The following RYR1 variants were observed in gnomAD, a reference collection of about 807,000 sequenced individuals.
The protein encoded by RYR1 is central core disease of muscle.
Under a neutral mutation model 583.5 loss-of-function variants are expected in RYR1, and 342 were observed. The observed-to-expected ratio is 0.59, with a 90% CI of 0.54 to 0.64. The LOEUF is 0.64. RYR1 is among the 30% of genes least tolerant of loss of function. The pLI, the probability that RYR1 is intolerant of heterozygous loss-of-function variation, is 0.00. For synonymous variants in RYR1, 2,791 were observed against 2,822.5 expected (o/e 0.99, Z 0.35); for missense variants, 6,032 against 6,917.2 (o/e 0.87, Z 4.54).
chr19:38,494,914 G>A (rs530904756), intron 39 of RYR1, among the ~76,000 whole-genome samples: 6 of 143,418 alleles, frequency 4.2e-5, no homozygotes, highest in South Asian at 2.4e-4. Context: ...GTGCAATGGC[G>A]CAATCTCAGC....
In RYR1 at chr19:38,537,902, T is replaced by C. The variant is rs1273529085; in HGVS notation, c.11631T>C (p.Asp3877=). The change falls in exon 84 of 106, where the codon GAT becomes GAC. Residue 3877 remains aspartate (D), a synonymous_variant. Coordinates refer to ENST00000359596, the MANE Select transcript of RYR1 (RefSeq NM_000540.3). ...TAGGAGAGAAGGTCATGGCGGATGA[T>C]GAATTCACACAAGACCTGTTCCGAT... ...RQNGEKVMAD[D]EFTQDLFRFL... 2 of 1,613,886 alleles carry C rather than the reference T, an allele frequency of 1.2e-6. No individual in the cohort carries two copies. The highest frequency in any genetic ancestry group is 3.3e-5 in the Admixed American group (2 of 59,998).
chr19:38,490,392 A>G, intron 36 of RYR1, 116 bp downstream of exon 36: 1 of 1,033,546 alleles, frequency 9.7e-7, no homozygotes, highest in Non-Finnish European at 1.5e-6. Flanking sequence ...CCCTGACCCT[A>G]GTGATACATT....
intron 70 of RYR1, among the ~76,000 whole-genome samples, chr19:38,524,542 A>T (rs1437635509): frequency 6.6e-6 from 1 of 152,176 alleles, no homozygotes; most frequent in Admixed American, 6.5e-5. Context: ...GCCGGCGTGG[A>T]TGTGGCTCTG....
Position 38,531,124 on chromosome 19 carries a change from G to A in RYR1, c.11142-1366G>A, listed in dbSNP as rs146752700. Among the ~76,000 whole-genome samples the A allele has an allele frequency of 1.0e-2, 1,510 of 151,496 alleles. 25 individuals are homozygous for A. The highest frequency in any genetic ancestry group is 0.035 in the African/African-American group (1,428 of 41,294). On this transcript the variant is annotated intron_variant, in intron 76 of 105. Transcript: ENST00000359596. ...GCTGGGATTACAGGCACGAGCCACC[G>A]CGCCCAGCCTTCTTTGGTCTCTTTA...
rs41274330 is a variant in RYR1, at chr19:38,519,413, C to T, written c.10218C>T (p.Tyr3406=). ...DEFSVLCRDL[Y]ALYPLLIRYV... is the part of the protein sequence containing the mutation. Reference sequence around the variant, plus strand: ...TCTCTGTGCTCTGCCGGGACCTCTACGCCCTGTATCCGCTGCTCATCCGCT... The same window carrying T: ...TCTCTGTGCTCTGCCGGGACCTCTATGCCCTGTATCCGCTGCTCATCCGCT... Residue 3406 remains tyrosine (Y), a synonymous_variant, in exon 67 of 106, where the codon TAC becomes TAT. Transcript: ENST00000359596. 93,922 of 1,601,676 alleles carry T rather than the reference C, an allele frequency of 0.059. 4,521 individuals carry two copies. The highest frequency in any genetic ancestry group is 0.21 in the South Asian group (18,766 of 89,394).
intron 1 of RYR1, among the ~76,000 whole-genome samples, chr19:38,436,234 T>G (rs886447213): frequency 6.7e-5 from 10 of 150,350 alleles, no homozygotes; most frequent in Admixed American, 2.7e-4. Context: ...TGAGACAGAG[T>G]CTCAATCTGT....
chr19:38,499,829 T>A lies in RYR1; in HGVS notation c.7214+8T>A. On this transcript the variant is annotated splice_region_variant and intron_variant, in intron 44 of 105. Coordinates refer to ENST00000359596, the MANE Select transcript of RYR1 (RefSeq NM_000540.3). The surrounding 1 kb of genome is among the most constrained non-coding windows in gnomAD (Gnocchi z 7.3). ...GGACCGGCGGCGCGAGCAGTGAGTC[T>A]CCCGGCCCCCTCCTCAATAGGGCAA... The A allele has an allele frequency of 6.2e-7, 1 of 1,608,788 alleles. No homozygotes were observed. Among genetic ancestry groups the A allele is most frequent in the Non-Finnish European group, 8.5e-7 (1 of 1,179,396 alleles).
chr19:38,464,607 G>A (rs766608660), intron 22 of RYR1, 32 bp from the exon 23 acceptor site: 25 of 1,549,058 alleles, frequency 1.6e-5, no homozygotes, highest in African/African-American at 4.1e-5. Context: ...TCTGAGGGGC[G>A]TGACCTGTCG....
chr19:38,585,857 G>A (rs1974460606), intron 102 of RYR1, 81 bp from the exon 103 acceptor site: 1 of 1,539,338 alleles, frequency 6.5e-7, no homozygotes, highest in Admixed American at 1.7e-5. Flanking sequence ...TGGAGGGCAA[G>A]CCCTGGAGGT....
Position 38,517,447 on chromosome 19 carries a change from G to A in RYR1, c.9774G>A (p.Glu3258=), listed in dbSNP as rs933750091. ...TGGCAGACATTGGGGGGCTGGCCGAGTCAGGTGCCCGCTACACAGAGATGC... is the reference window on the plus strand; with the variant it reads ...TGGCAGACATTGGGGGGCTGGCCGAATCAGGTGCCCGCTACACAGAGATGC... ...RLMADIGGLA[E]SGARYTEMPH... is the part of the protein sequence containing the mutation. Residue 3258 remains glutamate, a synonymous_variant, in exon 66 of 106, where the codon GAG becomes GAA. Transcript: ENST00000359596. The A allele has an allele frequency of 2.5e-6, 4 of 1,614,104 alleles. No homozygotes were observed. The highest frequency in any genetic ancestry group is 3.4e-6 in the Non-Finnish European group (4 of 1,180,022).
chr19:38,453,895 G>A (rs1288421878), intron 13 of RYR1, among the ~76,000 whole-genome samples: 3 of 152,116 alleles, frequency 2.0e-5, no homozygotes, highest in African/African-American at 7.2e-5. Context: ...GGGAGCCACA[G>A]GAGGTTTTGG....
At chr19:38,478,681 C>T in intron 31 of RYR1, 81 bp downstream of exon 31, 1 of 1,530,348 alleles carries the variant, frequency 6.5e-7, no homozygotes, top group Non-Finnish European at 8.9e-7. Context: ...CCCCTGAGGC[C>T]AGACCTCAGA....
At chr19:38,489,555 G>A (rs1969459344) in intron 35 of RYR1, 112 bp downstream of exon 35, 2 of 1,191,552 alleles carry the variant, frequency 1.7e-6, no homozygotes, top group Non-Finnish European at 2.5e-6. Context: ...CTGTGGAAAT[G>A]CATATGGCAG....
chr19:38,565,608 C>A lies in RYR1; in HGVS notation c.13274C>A (p.Ala4425Glu), dbSNP rs758514122. Residue 4425 changes from alanine to glutamate, a missense_variant, in exon 91 of 106, where the codon GCG becomes GAG. Ala to Glu is a moderately radical substitution (Grantham distance 107). This residue lies in a region of RYR1 where 753 missense variants were observed against 759.6 expected (regional missense o/e 0.99). Transcript: ENST00000359596. The surrounding 1 kb of genome is among the most constrained non-coding windows in gnomAD (Gnocchi z 4.7). The stretch of plus-strand genomic sequence containing the variant: ...GAGGGCGCTGGAGACGAGGAGGAGG[C>A]GGTGCACGAGGCCGGGCCGGGCGGT... ...AAEGAGDEEE[A>E]VHEAGPGGAD... 15 of 1,443,532 alleles carry A rather than the reference C, an allele frequency of 1.0e-5. No homozygotes were observed. The South Asian group carries it at 2.0e-4, about 19-fold the overall frequency. 89.4% of individuals were successfully genotyped at this position (1,443,532 alleles called of 1,614,324 possible).
At chr19:38,531,097 G>A (rs1971719956) in intron 76 of RYR1, among the ~76,000 whole-genome samples, 1 of 148,544 alleles carries the variant, frequency 6.7e-6, no homozygotes, top group Admixed American at 6.8e-5. Context: ...GCCTCCCAAA[G>A]TGCTGGGATT....
At position 38,496,539 on chromosome 19, in the gene RYR1, TG is replaced by T; in HGVS notation, c.6796+1del. The T allele has an allele frequency of 6.2e-7, 1 of 1,613,316 alleles. No individual in the cohort carries two copies. Among genetic ancestry groups the T allele is most frequent in the Non-Finnish European group, 8.5e-7 (1 of 1,180,030 alleles). On this transcript the variant is annotated frameshift_variant and splice_region_variant, in exon 41 of 106. Transcript: ENST00000359596. LOFTEE classifies it high-confidence loss of function. The surrounding 1 kb of genome is among the most constrained non-coding windows in gnomAD (Gnocchi z 4.8). ...CTGCTGGAGAACAGTGGCATCGGCCTGGGTGAGAACCCCCGAGCCCAGGGGC... is the reference window on the plus strand; with the variant it reads ...CTGCTGGAGAACAGTGGCATCGGCCTGGTGAGAACCCCCGAGCCCAGGGGC... ...SYLLENSGIG[L>X]GMQGSTPLDV...
chr19:38,540,391 A>G (rs954414789), intron 84 of RYR1, among the ~76,000 whole-genome samples: 8 of 142,144 alleles, frequency 5.6e-5, no homozygotes, highest in Non-Finnish European at 1.2e-4. Context: ...CCAATCATAT[A>G]CTACAGTATA....
chr19:38,528,731 G>A (rs948412306), intron 75 of RYR1, 36 bp downstream of exon 75: 36 of 1,603,334 alleles, frequency 2.2e-5, no homozygotes, highest in Non-Finnish European at 2.8e-5. Flanking sequence ...TGGGGGGCGA[G>A]CTGGATAGGG....
chr19:38,462,284 TG>T (rs1967794897), intron 20 of RYR1, among the ~76,000 whole-genome samples: 1 of 152,166 alleles, frequency 6.6e-6, no homozygotes, highest in South Asian at 2.1e-4. Context: ...GTAAGATGAA[TG>T]GATATAGGCA....
Sources: gnomAD v4.1 joint callset for allele counts (sites outside exome capture counted in the v4.1 genomes callset) on GRCh38, gnomAD v4.1.1 for gene constraint, gnomAD v4.1.1 regional missense constraint, Gnocchi (gnomAD v3.1) non-coding constraint, MANE v1.5 for transcripts, NCBI Gene and HGNC (gene_info 2026-07-23, HGNC 2026-07-21) for gene names.